Variants in PRKN observed in about 807,000 individuals in gnomAD.
PRKN encodes parkin RBR E3 ubiquitin protein ligase.
Under a neutral mutation model 59.5 loss-of-function variants are expected in PRKN, and 56 were observed. That is an observed-to-expected ratio of 0.94 (90% confidence interval 0.76 to 1.18). The LOEUF is 1.18. PRKN is among the 50% of genes most tolerant of loss of function. The pLI is 0.00. For missense variants in PRKN, 657 were observed against 596.4 expected (o/e 1.10, Z -1.06); for synonymous variants, 250 against 222.1 (o/e 1.13, Z -1.12).
chr6:161,646,354 T>C (rs111956458), intron 7 of PRKN, among the ~76,000 whole-genome samples: 2 of 86,548 alleles, frequency 2.3e-5, no homozygotes, highest in Admixed American at 1.3e-4. Flanking sequence ...GCGGAGGAGG[T>C]GGCGTATGAG....
At chr6:162,650,503 CA>C (rs1778382553) in intron 1 of PRKN, among the ~76,000 whole-genome samples, 3 of 147,046 alleles carry the variant, frequency 2.0e-5, no homozygotes, top group African/African-American at 7.5e-5. Flanking sequence ...GAGGCTGAGG[CA>C]GGAGAATGGC....
At chr6:161,868,245 C>T (rs188281258) in intron 6 of PRKN, among the ~76,000 whole-genome samples, 54 of 149,298 alleles carry the variant, frequency 3.6e-4, no homozygotes, top group East Asian at 1.9e-4. Context: ...AATTATAAGA[C>T]GCAAGATCCT....
chr6:162,610,417 C>A (rs985297877), intron 1 of PRKN, among the ~76,000 whole-genome samples: 1 of 152,196 alleles, frequency 6.6e-6, no homozygotes, highest in Non-Finnish European at 1.5e-5. Context: ...TGTGCTGCTA[C>A]GCTGTTAGAG....
At chr6:162,662,872 T>G (rs1020135766) in intron 1 of PRKN, among the ~76,000 whole-genome samples, 1 of 152,130 alleles carries the variant, frequency 6.6e-6, no homozygotes, top group Admixed American at 6.5e-5. Flanking sequence ...GAGGTAGGAA[T>G]GATTCTGTTG....
chr6:161,822,706 G>A (rs953115374), intron 6 of PRKN, among the ~76,000 whole-genome samples: 1 of 152,094 alleles, frequency 6.6e-6, no homozygotes, highest in Non-Finnish European at 1.5e-5. Context: ...GGATGTTACA[G>A]TAACAAACCA....
Position 161,548,584 on chromosome 6 carries a change from GCC to G in PRKN, c.1083+268_1083+269del, listed in dbSNP as rs1779876023. 6.6e-6 allele frequency among the ~76,000 whole-genome samples: 1 copy of G among 152,134 alleles called. No individual in the cohort carries two copies. Among genetic ancestry groups the G allele is most frequent in the Non-Finnish European group, 1.5e-5 (1 of 68,032 alleles). On this transcript the variant is annotated intron_variant, in intron 9 of 11. Transcript: ENST00000366898. The surrounding 1 kb of genome is among the most constrained non-coding windows in gnomAD (Gnocchi z 4.2). Reference sequence around the variant, plus strand: ...GCTGGGAGAAAAGTTTAAAAGTCTGGCCTAGTGGCTCACAGCATCTTAAAGTA... The same window carrying G: ...GCTGGGAGAAAAGTTTAAAAGTCTGGTAGTGGCTCACAGCATCTTAAAGTA...
rs1779961104 is a variant in PRKN, at chr6:161,550,445, A to G, written c.934-1442T>C. 6.6e-6 allele frequency among the ~76,000 whole-genome samples: 1 copy of G among 152,188 alleles called. No homozygotes were observed. Among genetic ancestry groups the G allele is most frequent in the Non-Finnish European group, 1.5e-5 (1 of 68,040 alleles). On this transcript the variant is annotated intron_variant, in intron 8 of 11. Transcript: ENST00000366898. This position sits in a 1 kb window ranked among gnomAD's most constrained non-coding sequence, Gnocchi z 4.0. ...GGGCCAGGGTGTAGGCAGGAAGCAG[A>G]GAAGCTTATGTCAACATCTATGACG...
chr6:161,520,407 T>C (rs1304791147), intron 9 of PRKN, among the ~76,000 whole-genome samples: 1 of 152,014 alleles, frequency 6.6e-6, no homozygotes, highest in Non-Finnish European at 1.5e-5. Flanking sequence ...TTTGTATTTT[T>C]AGTAGAGATG....
intron 4 of PRKN, among the ~76,000 whole-genome samples, chr6:162,153,106 A>C (rs1156874889): frequency 4.7e-4 from 71 of 152,212 alleles, no homozygotes; most frequent in Admixed American, 4.6e-3. Context: ...AATAGTATTG[A>C]TGCAGGATAT....
chr6:161,965,188 T>C (rs1780531338), intron 6 of PRKN, among the ~76,000 whole-genome samples: 1 of 152,116 alleles, frequency 6.6e-6, no homozygotes, highest in Admixed American at 6.5e-5. Flanking sequence ...CTTTTAAGTC[T>C]GCAATCCATT....
At chr6:162,208,751 A>T (rs1785065983) in intron 3 of PRKN, among the ~76,000 whole-genome samples, 2 of 152,190 alleles carry the variant, frequency 1.3e-5, no homozygotes, top group African/African-American at 4.8e-5. Context: ...AAGTTGAATA[A>T]ACTCCATAAT....
chr6:162,150,484 G>C (rs573669218), intron 4 of PRKN, among the ~76,000 whole-genome samples: 39 of 152,170 alleles, frequency 2.6e-4, no homozygotes, highest in Non-Finnish European at 3.1e-4. Context: ...CCCCTGGCAG[G>C]ATTCGTCTCA....
At chr6:162,058,799 A>G (rs1454494838) in intron 4 of PRKN, among the ~76,000 whole-genome samples, 1 of 149,130 alleles carries the variant, frequency 6.7e-6, no homozygotes, top group Non-Finnish European at 1.5e-5. Context: ...ATAAAACACA[A>G]AAATTAGCTG....
At chr6:161,830,332 A>T (rs1792438897) in intron 6 of PRKN, among the ~76,000 whole-genome samples, 1 of 151,704 alleles carries the variant, frequency 6.6e-6, no homozygotes, top group African/African-American at 2.4e-5. Context: ...GCTCACTGCA[A>T]GCTCCGCCTC....
chr6:162,005,750 C>G (rs1301635177), intron 5 of PRKN, among the ~76,000 whole-genome samples: 1 of 152,046 alleles, frequency 6.6e-6, no homozygotes, highest in African/African-American at 2.4e-5. Context: ...AGGGTCTTTG[C>G]TAATATATCA....
chr6:161,424,355 A>G (rs1174234856), intron 9 of PRKN, among the ~76,000 whole-genome samples: 2 of 142,246 alleles, frequency 1.4e-5, no homozygotes, highest in African/African-American at 5.1e-5. Flanking sequence ...AAAAAAAAAA[A>G]AGAATTGATT....
intron 10 of PRKN, among the ~76,000 whole-genome samples, chr6:161,383,647 G>A (rs1786094527): frequency 6.6e-6 from 1 of 152,216 alleles, no homozygotes; most frequent in African/African-American, 2.4e-5. Flanking sequence ...AGCTCATGGG[G>A]TTCATGGGAC....
chr6:162,007,342 C>G (rs1782294529), intron 5 of PRKN, among the ~76,000 whole-genome samples: 1 of 152,100 alleles, frequency 6.6e-6, no homozygotes, highest in African/African-American at 2.4e-5. Context: ...GAAATATTCA[C>G]TAACAACAAC....
At chr6:162,583,260 CTGTGATAT>C (rs1357357143) in intron 1 of PRKN, among the ~76,000 whole-genome samples, 1 of 152,182 alleles carries the variant, frequency 6.6e-6, no homozygotes, top group African/African-American at 2.4e-5. Flanking sequence ...ATTACCTAGT[CTGTGATAT>C]TCTGTTATAG....
Sources: gnomAD v4.1 joint callset for allele counts (sites outside exome capture counted in the v4.1 genomes callset) on GRCh38, gnomAD v4.1.1 for gene constraint, Gnocchi (gnomAD v3.1) non-coding constraint, MANE v1.5 for transcripts, NCBI Gene and HGNC (gene_info 2026-07-23, HGNC 2026-07-21) for gene names.